The following ADAMTS2 variants were observed in gnomAD, a reference collection of about 807,000 sequenced individuals.
The protein encoded by ADAMTS2 is ADAM metallopeptidase with thrombospondin type 1 motif 2.
In ADAMTS2, 50 loss-of-function variants were observed where a neutral mutation model predicts 123.0. The observed-to-expected ratio is 0.41, with a 90% CI of 0.32 to 0.51. ADAMTS2 has a LOEUF of 0.51. Ranked by LOEUF, ADAMTS2 falls within the 20% of genes least tolerant of loss-of-function variation. ADAMTS2 has a pLI of 0.35. For missense variants in ADAMTS2, 1,494 were observed against 1,705.2 expected, an observed-to-expected ratio of 0.88 and a Z score of 2.18; for synonymous variants, 678 against 695.4, an observed-to-expected ratio of 0.98 and a Z score of 0.39.
chr5:179,170,474 G>C lies in ADAMTS2; in HGVS notation c.975+10598C>G, dbSNP rs1458802256. On this transcript the variant is annotated intron_variant, in intron 5 of 21. Transcript: ENST00000251582. The surrounding 1 kb of genome is among the most constrained non-coding windows in gnomAD (Gnocchi z 4.3). Reference sequence around the variant, plus strand: ...TGCTAAAATTCTTCTAGAGACGGGGGCCTCATTCCTTGACGGGAAGCCTGT... The same window carrying C: ...TGCTAAAATTCTTCTAGAGACGGGGCCCTCATTCCTTGACGGGAAGCCTGT... 1.3e-5 allele frequency among the ~76,000 whole-genome samples: 2 copies of C among 152,086 alleles called. No individual in the cohort carries two copies. The highest frequency in any genetic ancestry group is 6.5e-5 in the Admixed American group (1 of 15,270).
chr5:179,148,636 T>G (rs1050518372), intron 10 of ADAMTS2, among the ~76,000 whole-genome samples: 8 of 152,182 alleles, frequency 5.3e-5, no homozygotes, highest in Non-Finnish European at 1.0e-4. Context: ...TGTCCATGCC[T>G]GAGCTGCTCC....
At chr5:179,150,563 C>T (rs58879463) in intron 10 of ADAMTS2, among the ~76,000 whole-genome samples, 1,779 of 152,324 alleles carry the variant, frequency 0.012, 39 homozygotes, top group African/African-American at 0.04. Flanking sequence ...ATGTGGCACA[C>T]CCACACGACG....
rs918668608 is a variant in ADAMTS2, at chr5:179,242,935, G to T, written c.688+29976C>A. ...AGGAGCTCCGTCTCAGGTGCAGCAG[G>T]GCGAGAGTGCTGGGCTCCTAATCAC... On this transcript the variant is annotated intron_variant, in intron 3 of 21. Transcript: ENST00000251582. This position sits in a 1 kb window ranked among gnomAD's most constrained non-coding sequence, Gnocchi z 4.2. 6.6e-6 allele frequency among the ~76,000 whole-genome samples: 1 copy of T among 152,110 alleles called. No homozygotes were observed. Among genetic ancestry groups the T allele is most frequent in the African/African-American group, 2.4e-5 (1 of 41,406 alleles).
intron 3 of ADAMTS2, among the ~76,000 whole-genome samples, chr5:179,258,703 G>A (rs769328692): frequency 2.6e-5 from 4 of 152,180 alleles, no homozygotes; most frequent in South Asian, 2.1e-4. Flanking sequence ...TCCCAGGCCC[G>A]GATCCCACAG....
chr5:179,114,017 A>C lies in ADAMTS2; in HGVS notation c.3486T>G (p.Asp1162Glu). 1 of 1,614,060 alleles carries C rather than the reference A, an allele frequency of 6.2e-7. No individual in the cohort carries two copies. The highest frequency in any genetic ancestry group is 8.5e-7 in the Non-Finnish European group (1 of 1,180,010). ...CCAGGCCATGGATTTTGTAGGGTTC[A>C]TCTACGGCATTGGTTTCTGGGTGAT... ...TEDHPETNAVDEPYKIHGLED... is the reference protein window; with the variant it reads ...TEDHPETNAVEEPYKIHGLED... Residue 1162 changes from aspartate to glutamate, a missense_variant, in exon 22 of 22, where the codon GAT (aspartate) becomes GAG (glutamate). By Grantham distance (45) the Asp-to-Glu change is conservative. Transcript: ENST00000251582.
chr5:179,121,842 G>A, intron 20 of ADAMTS2, 92 bp from the exon 21 acceptor site: 2 of 885,818 alleles, frequency 2.3e-6, no homozygotes, highest in Non-Finnish European at 3.4e-6. Flanking sequence ...GGGGTCCTGG[G>A]GAAGCGTCAT....
At position 179,236,135 on chromosome 5, in the gene ADAMTS2, G is replaced by A. The variant is rs545249998; in HGVS notation, c.689-28420C>T. Among the ~76,000 whole-genome samples, 37 of 152,344 alleles carry A rather than the reference G, an allele frequency of 2.4e-4. No homozygotes were observed. In the South Asian group the frequency reaches 3.7e-3, roughly 15 times the overall value. On this transcript the variant is annotated intron_variant, in intron 3 of 21. Coordinates refer to ENST00000251582, the MANE Select transcript of ADAMTS2 (RefSeq NM_014244.5). The stretch of plus-strand genomic sequence containing the variant: ...AGCCCTCTGCCATGAGGTCAGCTCC[G>A]CTCCCAGGCAGGGGGAAGAGCTGCC...
At chr5:179,273,200 C>T (rs1390728853) in intron 2 of ADAMTS2, 136 bp from the exon 3 acceptor site, 14 of 1,384,346 alleles carry the variant, frequency 1.0e-5, no homozygotes, top group Non-Finnish European at 1.3e-5. Flanking sequence ...TCAGCTTGAA[C>T]CCTGGGCTGG....
At chr5:179,275,064 A>G (rs990594403) in intron 2 of ADAMTS2, among the ~76,000 whole-genome samples, 1 of 151,958 alleles carries the variant, frequency 6.6e-6, no homozygotes, top group Non-Finnish European at 1.5e-5. Flanking sequence ...AGGAGCATCA[A>G]GGGCACGGTG....
At chr5:179,153,859 AC>A (rs1425216385) in intron 8 of ADAMTS2, among the ~76,000 whole-genome samples, 189 bp downstream of exon 8, 2 of 152,180 alleles carry the variant, frequency 1.3e-5, no homozygotes, top group East Asian at 3.9e-4. Flanking sequence ...TCAAGGACAG[AC>A]CCCTGACAAT....
intron 3 of ADAMTS2, among the ~76,000 whole-genome samples, chr5:179,259,854 G>A (rs1452867038): frequency 2.0e-5 from 3 of 152,210 alleles, no homozygotes; most frequent in Non-Finnish European, 1.5e-5. Context: ...CAACCTCGGG[G>A]CCTGGACCAC....
intron 3 of ADAMTS2, 145 bp from the exon 4 acceptor site, chr5:179,207,860 G>A (rs1764742844): frequency 7.8e-6 from 6 of 772,154 alleles, no homozygotes; most frequent in Non-Finnish European, 1.3e-5. Context: ...GGAAAGCGAG[G>A]TGCAGAGGAA....
intron 1 of ADAMTS2, 57 bp from the exon 2 acceptor site, chr5:179,344,218 G>C: frequency 6.6e-7 from 1 of 1,523,596 alleles, no homozygotes; most frequent in Non-Finnish European, 8.8e-7. Context: ...GTGCCTCAGA[G>C]ACCCGCCGGC....
Position 179,226,433 on chromosome 5 carries a change from ATTT to A in ADAMTS2, c.689-18721_689-18719del, listed in dbSNP as rs3084688. Among the ~76,000 whole-genome samples the A allele has an allele frequency of 9.7e-5, 14 of 144,518 alleles. No homozygotes were observed. The East Asian group carries it at 1.0e-3, about 10-fold the overall frequency. 94.8% of individuals were successfully genotyped at this position (144,518 alleles called of 152,430 possible). A position where few individuals can be genotyped will look rare whatever the true frequency, so the allele number is the denominator to read the frequency against. ...AGGTGCCTGCTATCATACCTGGTTA[ATTT>A]TTTTTTTTTTTTGTATTTTTAGTAG... On this transcript the variant is annotated intron_variant, in intron 3 of 21. Coordinates refer to ENST00000251582, the MANE Select transcript of ADAMTS2 (RefSeq NM_014244.5).
At chr5:179,296,821 G>A (rs926494617) in intron 2 of ADAMTS2, among the ~76,000 whole-genome samples, 6 of 152,068 alleles carry the variant, frequency 3.9e-5, no homozygotes, top group African/African-American at 9.7e-5. Context: ...AAAAAAGGAC[G>A]GGCCACTGGT....
intron 2 of ADAMTS2, among the ~76,000 whole-genome samples, chr5:179,323,641 AG>A (rs1757242276): frequency 6.6e-6 from 1 of 152,228 alleles, no homozygotes; most frequent in South Asian, 2.1e-4. Flanking sequence ...AACTCTGGAG[AG>A]AGGCAGCAAC....
rs1294292929 is a variant in ADAMTS2 at position 179,185,844 on chromosome 5, G to C, written c.892-4689C>G. Among the ~76,000 whole-genome samples the C allele has an allele frequency of 6.6e-6, 1 of 152,036 alleles. No homozygotes were observed. The highest frequency in any genetic ancestry group is 1.5e-5 in the Non-Finnish European group (1 of 68,008). ...GCCTCTGGAAGCCTCAGATGGTTCG[G>C]AGATTAACTGGGGCTCCCTGGCTGC... On this transcript the variant is annotated intron_variant, in intron 4 of 21. Coordinates refer to ENST00000251582, the MANE Select transcript of ADAMTS2 (RefSeq NM_014244.5). This position sits in a 1 kb window ranked among gnomAD's most constrained non-coding sequence, Gnocchi z 5.9.
intron 3 of ADAMTS2, among the ~76,000 whole-genome samples, chr5:179,266,676 T>C (rs1245491516): frequency 4.6e-5 from 7 of 152,218 alleles, no homozygotes; most frequent in Admixed American, 4.6e-4. Flanking sequence ...GAGATGGACG[T>C]CGACAGCTAC....
intron 3 of ADAMTS2, among the ~76,000 whole-genome samples, chr5:179,221,680 C>A (rs554522295): frequency 3.9e-5 from 6 of 152,146 alleles, no homozygotes; most frequent in Non-Finnish European, 7.4e-5. Context: ...CCCATGTGGG[C>A]GGGCAGCAGC....
Sources: allele counts gnomAD v4.1 joint callset (sites outside exome capture counted in the v4.1 genomes callset), GRCh38; gene constraint gnomAD v4.1.1; non-coding constraint Gnocchi (gnomAD v3.1); transcripts MANE v1.5; gene names NCBI Gene and HGNC (gene_info 2026-07-23, HGNC 2026-07-21).